EXT1: variants seen among roughly 807,000 people sequenced by gnomAD.
EXT1 encodes exostosin-1.
A neutral mutation model predicts 82.5 loss-of-function variants in EXT1; 20 were observed. The ratio of observed to expected loss-of-function variants is 0.24; its 90% confidence interval spans 0.17 to 0.35. The LOEUF is 0.35. Among genes scored for constraint, EXT1 ranks in the 10% least tolerant of loss-of-function variants. EXT1 has a pLI of 1.00. For synonymous variants in EXT1, 348 were observed against 350.8 expected, an observed-to-expected ratio of 0.99 and a Z score of 0.09; for missense variants, 757 against 936.5, an observed-to-expected ratio of 0.81 and a Z score of 2.50.
chr8:117,941,144 C>T (rs1814264730), intron 1 of EXT1, among the ~76,000 whole-genome samples: 2 of 152,232 alleles, frequency 1.3e-5, no homozygotes, highest in Admixed American at 1.3e-4. Flanking sequence ...TCTCGGGACT[C>T]CTCTAGGGAA....
chr8:117,851,509 AT>A (rs372921849), intron 1 of EXT1, among the ~76,000 whole-genome samples: 2,946 of 144,986 alleles, frequency 0.02, 95 homozygotes, highest in African/African-American at 0.069. Context: ...CACGTTTCGG[AT>A]TTTTTTTTTT....
chr8:117,923,663 T>C (rs1454237532), intron 1 of EXT1, among the ~76,000 whole-genome samples: 1 of 146,082 alleles, frequency 6.8e-6, no homozygotes, highest in Non-Finnish European at 1.5e-5. Context: ...GAGGTGGAGC[T>C]GGCAGTAAGC....
chr8:117,971,527 G>T (rs934786716), intron 1 of EXT1, among the ~76,000 whole-genome samples: 1 of 152,154 alleles, frequency 6.6e-6, no homozygotes, highest in Non-Finnish European at 1.5e-5. Flanking sequence ...TCTACTCATG[G>T]TCAAAAGACA....
chr8:118,045,697 G>A (rs769473598), intron 1 of EXT1, among the ~76,000 whole-genome samples: 32 of 151,166 alleles, frequency 2.1e-4, no homozygotes, highest in South Asian at 4.2e-4. Context: ...TACATAATAC[G>A]TATCTGAGTC....
intron 1 of EXT1, among the ~76,000 whole-genome samples, chr8:117,943,788 G>A (rs534591514): frequency 2.6e-5 from 4 of 152,340 alleles, no homozygotes; most frequent in African/African-American, 4.8e-5. Flanking sequence ...CAGGAAGTGC[G>A]TAGCTGGGAT....
rs143073413 is a variant in EXT1 at position 118,015,214 on chromosome 8, G to A, written c.962+94871C>T. On this transcript the variant is annotated intron_variant, in intron 1 of 10. Transcript: ENST00000378204. ...GTAAGCTGCTTACAGCCTTGCAAGC[G>A]CTGACGCCACATCTGCTCGGCAATT... is the stretch of plus-strand genomic sequence containing the variant. Among the ~76,000 whole-genome samples, 51 of 152,300 alleles carry A rather than the reference G, an allele frequency of 3.3e-4. 1 individual carries two copies. The highest frequency in any genetic ancestry group is 2.3e-3 in the South Asian group (11 of 4,822).
intron 1 of EXT1, among the ~76,000 whole-genome samples, chr8:118,037,437 G>A (rs1816442876): frequency 6.6e-6 from 1 of 151,054 alleles, no homozygotes; most frequent in Non-Finnish European, 1.5e-5. Context: ...GAGTGCAGTG[G>A]TGCAATCACA....
chr8:117,892,017 G>C (rs1389489230), intron 1 of EXT1, among the ~76,000 whole-genome samples: 1 of 151,882 alleles, frequency 6.6e-6, no homozygotes, highest in Admixed American at 6.6e-5. Context: ...ATGTTGGTCA[G>C]GCTGGTCTCA....
chr8:117,895,086 C>T (rs761791802), intron 1 of EXT1, among the ~76,000 whole-genome samples: 2 of 152,096 alleles, frequency 1.3e-5, no homozygotes, highest in Non-Finnish European at 2.9e-5. Flanking sequence ...ACTGTCAATT[C>T]GATCATGATG....
At chr8:118,075,933 T>C (rs900196464) in intron 1 of EXT1, among the ~76,000 whole-genome samples, 17 of 152,010 alleles carry the variant, frequency 1.1e-4, no homozygotes, top group South Asian at 8.4e-4. Context: ...ACCTCCAACA[T>C]TGGGGATTAC....
At chr8:118,083,733 A>G (rs1817371820) in intron 1 of EXT1, among the ~76,000 whole-genome samples, 1 of 152,112 alleles carries the variant, frequency 6.6e-6, no homozygotes, top group Non-Finnish European at 1.5e-5. Context: ...GGGTCTCAAT[A>G]AGAAAAGAGG....
intron 8 of EXT1, 29 bp downstream of exon 8, chr8:117,812,843 C>A: frequency 6.2e-7 from 1 of 1,600,520 alleles, no homozygotes; most frequent in Non-Finnish European, 8.6e-7. Flanking sequence ...GAACAGCCCA[C>A]CTGCTGCTCC....
intron 1 of EXT1, among the ~76,000 whole-genome samples, chr8:118,039,603 A>C (rs1586358230): frequency 1.3e-5 from 2 of 152,114 alleles, no homozygotes; most frequent in East Asian, 3.9e-4. Context: ...AGGTACAATG[A>C]AAAGACCACC....
intron 1 of EXT1, among the ~76,000 whole-genome samples, chr8:117,891,635 C>A (rs1813243678): frequency 6.6e-6 from 1 of 152,066 alleles, no homozygotes; most frequent in Non-Finnish European, 1.5e-5. Context: ...AAAGAAGTCA[C>A]TGAACACAGT....
At chr8:117,960,780 T>C (rs929084422) in intron 1 of EXT1, among the ~76,000 whole-genome samples, 4 of 152,142 alleles carry the variant, frequency 2.6e-5, no homozygotes, top group Non-Finnish European at 5.9e-5. Flanking sequence ...GCAGCAAAAT[T>C]AGACATTTAA....
chr8:117,904,250 G>C (rs1326654016), intron 1 of EXT1, among the ~76,000 whole-genome samples: 1 of 152,144 alleles, frequency 6.6e-6, no homozygotes, highest in African/African-American at 2.4e-5. Context: ...AAAAAGAAAG[G>C]GAAATAAAAA....
At chr8:117,818,963 A>G (rs1232011641) in intron 6 of EXT1, among the ~76,000 whole-genome samples, 1 of 152,208 alleles carries the variant, frequency 6.6e-6, no homozygotes, top group Non-Finnish European at 1.5e-5. Context: ...ACACCAGGCA[A>G]TGTGGGAGAA....
intron 1 of EXT1, among the ~76,000 whole-genome samples, chr8:118,015,856 G>A: frequency 6.6e-6 from 1 of 152,220 alleles, no homozygotes; most frequent in African/African-American, 2.4e-5. Flanking sequence ...GAGACACAAA[G>A]AAGAGAATGC....
intron 1 of EXT1, among the ~76,000 whole-genome samples, chr8:117,885,047 A>T (rs1253834964): frequency 6.6e-6 from 1 of 152,220 alleles, no homozygotes; most frequent in African/African-American, 2.4e-5. Context: ...ATAGCTACAA[A>T]TAGGTGTTTA....
Sources: gnomAD v4.1 joint callset for allele counts (sites outside exome capture counted in the v4.1 genomes callset) on GRCh38, gnomAD v4.1.1 for gene constraint, MANE v1.5 for transcripts, NCBI Gene and HGNC (gene_info 2026-07-23, HGNC 2026-07-21) for gene names.